The following TPRG1 variants were observed in gnomAD, a reference collection of about 807,000 sequenced individuals.
TPRG1 encodes tumor protein p63-regulated gene 1 protein.
TPRG1 carries 29 observed loss-of-function variants against 29.3 expected under a neutral mutation model. The observed-to-expected ratio is 0.99, with a 90% CI of 0.74 to 1.35. TPRG1 has a LOEUF of 1.35. Ranked by LOEUF, TPRG1 falls within the 40% of genes most tolerant of loss-of-function variation. The pLI, the probability that TPRG1 is intolerant of heterozygous loss-of-function variation, is 0.00. For synonymous variants in TPRG1, 130 were observed against 116.8 expected (o/e 1.11, Z -0.73); for missense variants, 327 against 335.0 (o/e 0.98, Z 0.19).
intron 1 of TPRG1, among the ~76,000 whole-genome samples, chr3:189,202,740 G>C (rs1322164916): frequency 6.6e-6 from 1 of 152,126 alleles, no homozygotes; most frequent in African/African-American, 2.4e-5. Flanking sequence ...TGGCTCTGGG[G>C]GAAAGAGAAA....
At chr3:189,028,821 CGTTA>C (rs1379664836) in intron 4 of TPRG1, among the ~76,000 whole-genome samples, 1 of 152,012 alleles carries the variant, frequency 6.6e-6, no homozygotes, top group African/African-American at 2.4e-5. Context: ...TTCTACTGTA[CGTTA>C]GTTAGAGTAC....
intron 3 of TPRG1, among the ~76,000 whole-genome samples, chr3:189,233,251 A>T (rs1738961211): frequency 6.6e-6 from 1 of 152,054 alleles, no homozygotes; most frequent in Non-Finnish European, 1.5e-5. Flanking sequence ...TCTTTCTTGG[A>T]AGGAAATTAT....
intron 4 of TPRG1, among the ~76,000 whole-genome samples, chr3:189,301,570 A>AT (rs71878313): frequency 0.097 from 14,723 of 151,800 alleles, 909 homozygotes; most frequent in East Asian, 0.19. Flanking sequence ...GTTTTCCTCC[A>AT]TTTTTTTTCT....
chr3:189,297,666 C>A (rs982037733), intron 4 of TPRG1, among the ~76,000 whole-genome samples: 1 of 152,332 alleles, frequency 6.6e-6, no homozygotes, highest in African/African-American at 2.4e-5. Context: ...CTAAACCACG[C>A]TCTGAGTGTC....
chr3:189,165,205 C>A (rs1255516163), intron 5 of TPRG1, among the ~76,000 whole-genome samples: 1 of 151,954 alleles, frequency 6.6e-6, no homozygotes. Flanking sequence ...ATGAAAGAAT[C>A]GTGGGTCATT....
intron 3 of TPRG1, among the ~76,000 whole-genome samples, chr3:189,015,281 G>A (rs1712868654): frequency 6.6e-6 from 1 of 152,148 alleles, no homozygotes. Flanking sequence ...AAATTTCTAA[G>A]CAGTAAAACA....
At chr3:189,184,118 G>C (rs1158058125) in intron 1 of TPRG1, among the ~76,000 whole-genome samples, 2 of 152,056 alleles carry the variant, frequency 1.3e-5, no homozygotes, top group Admixed American at 6.6e-5. Flanking sequence ...CCTCTGTTTG[G>C]GGTCCCTGAC....
chr3:189,206,878 A>T (rs1734478610), intron 1 of TPRG1, among the ~76,000 whole-genome samples: 1 of 149,662 alleles, frequency 6.7e-6, no homozygotes, highest in African/African-American at 2.5e-5. Context: ...TATTCGTCTA[A>T]TTATTTTCTT....
intron 1 of TPRG1, among the ~76,000 whole-genome samples, chr3:189,113,000 A>G (rs1430641943): frequency 1.3e-5 from 2 of 152,156 alleles, no homozygotes; most frequent in Admixed American, 1.3e-4. Context: ...GATTCTTCCT[A>G]TCCATGAGCA....
intron 2 of TPRG1, among the ~76,000 whole-genome samples, chr3:189,129,522 C>A (rs896820278): frequency 2.6e-5 from 4 of 152,298 alleles, no homozygotes; most frequent in Middle Eastern, 3.4e-3. Context: ...AGAAGTGACA[C>A]TTGAGACTAT....
At chr3:189,200,940 T>C (rs1264747078) in intron 1 of TPRG1, among the ~76,000 whole-genome samples, 1 of 152,198 alleles carries the variant, frequency 6.6e-6, no homozygotes, top group Non-Finnish European at 1.5e-5. Flanking sequence ...TTCTCATGAA[T>C]GGGATTAGTG....
chr3:189,071,045 G>T (rs904321854), intron 4 of TPRG1, among the ~76,000 whole-genome samples: 2 of 91,740 alleles, frequency 2.2e-5, no homozygotes, highest in African/African-American at 7.8e-5. Flanking sequence ...TGGAAGCAAA[G>T]AAACTAAAAG....
upstream of TPRG1, among the ~76,000 whole-genome samples, chr3:189,169,444 C>T (rs1728548698): frequency 6.6e-6 from 1 of 152,168 alleles, no homozygotes; most frequent in Admixed American, 6.5e-5. Flanking sequence ...GGATTACAGG[C>T]ATGAGCCACC....
rs1373620421 is a variant in TPRG1 at position 189,019,157 on chromosome 3, T to A, written c.-659-4593T>A. Reference sequence around the variant, plus strand: ...CTGAGACAATGGGGTTTTCTAGATATACAATCATGTCGTCTGCAAACAGGG... The same window carrying A: ...CTGAGACAATGGGGTTTTCTAGATAAACAATCATGTCGTCTGCAAACAGGG... On this transcript the variant is annotated intron_variant, in intron 3 of 10. Coordinates refer to the TPRG1 transcript ENST00000433971. 3.3e-5 allele frequency among the ~76,000 whole-genome samples: 5 copies of A among 151,244 alleles called. No individual in the cohort carries two copies. In the South Asian group the frequency reaches 8.4e-4, roughly 25 times the overall value.
At chr3:189,181,863 C>A (rs1730270132) in intron 1 of TPRG1, among the ~76,000 whole-genome samples, 1 of 152,094 alleles carries the variant, frequency 6.6e-6, no homozygotes, top group Non-Finnish European at 1.5e-5. Flanking sequence ...TGAGACTGGG[C>A]AATTTATGAA....
intron 5 of TPRG1, among the ~76,000 whole-genome samples, chr3:189,163,959 A>ATT (rs3884278): frequency 0.25 from 37,210 of 151,022 alleles, 4,731 homozygotes; most frequent in South Asian, 0.4. Context: ...AAAAATATGC[A>ATT]TTTTTTTTTC....
At chr3:189,266,415 C>A (rs1302590911) in intron 4 of TPRG1, among the ~76,000 whole-genome samples, 2 of 152,098 alleles carry the variant, frequency 1.3e-5, no homozygotes, top group African/African-American at 2.4e-5. Context: ...GTAAGTTCAA[C>A]AGAAAAGGAG....
chr3:189,256,965 C>T (rs1712016525), intron 4 of TPRG1, among the ~76,000 whole-genome samples: 1 of 152,074 alleles, frequency 6.6e-6, no homozygotes, highest in South Asian at 2.1e-4. Flanking sequence ...TCTAATTTGC[C>T]AATCTGTGAC....
At chr3:189,212,988 C>G (rs115674766) in intron 2 of TPRG1, among the ~76,000 whole-genome samples, 14 of 152,260 alleles carry the variant, frequency 9.2e-5, no homozygotes, top group African/African-American at 3.1e-4. Flanking sequence ...TTGCCTGTTA[C>G]GCTGTGTCAG....
Sources: gnomAD v4.1 joint callset for allele counts (sites outside exome capture counted in the v4.1 genomes callset) on GRCh38, gnomAD v4.1.1 for gene constraint, MANE v1.5 for transcripts, NCBI Gene and HGNC (gene_info 2026-07-23, HGNC 2026-07-21) for gene names.